The following DPP6 variants were observed in gnomAD, a reference collection of about 807,000 sequenced individuals.
The protein encoded by DPP6 is A-type potassium channel modulatory protein DPP6.
DPP6 carries 69 observed loss-of-function variants against 122.6 expected under a neutral mutation model. The observed-to-expected ratio is 0.56, with a 90% CI of 0.46 to 0.69. DPP6 has a LOEUF of 0.69. Among genes scored for constraint, DPP6 ranks in the 30% least tolerant of loss-of-function variants. The pLI, the probability that DPP6 is intolerant of heterozygous loss-of-function variation, is 0.00. For synonymous variants in DPP6, 418 were observed against 433.1 expected, an observed-to-expected ratio of 0.97 and a Z score of 0.43; for missense variants, 928 against 1,116.9, an observed-to-expected ratio of 0.83 and a Z score of 2.41.
intron 1 of DPP6, among the ~76,000 whole-genome samples, chr7:153,992,486 T>G (rs1360381808): frequency 1.3e-5 from 2 of 152,012 alleles, no homozygotes; most frequent in East Asian, 3.9e-4. Context: ...GTCCTATAAC[T>G]AATGCCCTTT....
chr7:154,668,219 A>ATATATATATAT (rs1554430259), intron 6 of DPP6, among the ~76,000 whole-genome samples: 50 of 54,326 alleles, frequency 9.2e-4, no homozygotes, highest in Non-Finnish European at 1.6e-3. Context: ...ATATATATAT[A>ATATATATATAT]ATATACACAT....
Position 154,617,025 on chromosome 7 carries a change from G to A in DPP6, c.628-20796G>A, listed in dbSNP as rs1464831866. Among the ~76,000 whole-genome samples the A allele has an allele frequency of 2.6e-5, 4 of 152,150 alleles. 1 individual carries two copies. The highest frequency in any genetic ancestry group is 9.7e-5 in the African/African-American group (4 of 41,440). The stretch of plus-strand genomic sequence containing the variant: ...AGCAGTCAGCCTTCATCACCCCAAC[G>A]CCAAGTATTTGTTCAGTTTCTGCTC... On this transcript the variant is annotated intron_variant, in intron 5 of 25. Transcript: ENST00000377770.
At chr7:154,256,840 G>T (rs941530390) in intron 1 of DPP6, among the ~76,000 whole-genome samples, 1 of 152,146 alleles carries the variant, frequency 6.6e-6, no homozygotes, top group Non-Finnish European at 1.5e-5. Context: ...TGAGATTCTG[G>T]TAAGATGTTA....
chr7:154,726,192 GC>G (rs1323421473), intron 7 of DPP6, among the ~76,000 whole-genome samples: 1 of 152,164 alleles, frequency 6.6e-6, no homozygotes, highest in Non-Finnish European at 1.5e-5. Context: ...GAAGACAGTG[GC>G]CCTCTTCTCA....
the DPP6 span, among the ~76,000 whole-genome samples, chr7:153,774,914 G>C: frequency 1.3e-5 from 2 of 152,128 alleles, no homozygotes; most frequent in Middle Eastern, 3.4e-3. Context: ...GCTGCAGTGA[G>C]CTATGATTGC....
chr7:154,409,426 T>C (rs1816405813), intron 1 of DPP6, among the ~76,000 whole-genome samples: 1 of 152,168 alleles, frequency 6.6e-6, no homozygotes, highest in African/African-American at 2.4e-5. Flanking sequence ...TGTGAGGAGG[T>C]AAATTACTGT....
intron 1 of DPP6, among the ~76,000 whole-genome samples, chr7:154,396,843 G>A (rs1318005369): frequency 1.3e-5 from 2 of 152,200 alleles, no homozygotes; most frequent in Non-Finnish European, 2.9e-5. Flanking sequence ...TACTCAGGAG[G>A]CCAAGGTAGG....
the DPP6 span, among the ~76,000 whole-genome samples, chr7:153,768,411 G>A: frequency 1.3e-5 from 2 of 151,998 alleles, no homozygotes; most frequent in South Asian, 2.1e-4. Flanking sequence ...CTAAGATCAC[G>A]AGGTTCCTTT....
At chr7:154,805,747 A>G (rs1798656634) in intron 15 of DPP6, among the ~76,000 whole-genome samples, 1 of 151,990 alleles carries the variant, frequency 6.6e-6, no homozygotes, top group Admixed American at 6.6e-5. Context: ...CACTGTTCTC[A>G]CTAAAGGAGG....
Position 154,133,605 on chromosome 7 carries a change from T to C in DPP6, c.243+80542T>C, listed in dbSNP as rs931218617. 2.0e-5 allele frequency among the ~76,000 whole-genome samples: 3 copies of C among 152,210 alleles called. No individual in the cohort carries two copies. The South Asian group carries it at 6.2e-4, about 31-fold the overall frequency. ...TTCGACTTCCTCACATTATAGTTTT[T>C]GTACAATTTGGAGTTAATCAAAGAG... On this transcript the variant is annotated intron_variant, in intron 1 of 25. Transcript: ENST00000377770.
chr7:154,183,191 A>AT (rs1389516718), intron 1 of DPP6, among the ~76,000 whole-genome samples: 3 of 151,942 alleles, frequency 2.0e-5, no homozygotes, highest in Non-Finnish European at 4.4e-5. Context: ...CATGAAGCTG[A>AT]TTTTTTCTCA....
intron 1 of DPP6, among the ~76,000 whole-genome samples, chr7:153,954,183 G>A (rs1265273247): frequency 3.3e-5 from 5 of 152,186 alleles, no homozygotes; most frequent in Non-Finnish European, 7.3e-5. Flanking sequence ...GCCCTTACAA[G>A]AAAATGTCCT....
At chr7:153,813,431 G>A in the DPP6 span, among the ~76,000 whole-genome samples, 1 of 152,062 alleles carries the variant, frequency 6.6e-6, no homozygotes, top group Non-Finnish European at 1.5e-5. Context: ...ATCATTGTTG[G>A]ACACTTGGGT....
chr7:153,782,646 GGAGTGAGGAAAGAAGGGTAAGAAAAA>G, the DPP6 span, among the ~76,000 whole-genome samples: 1 of 152,146 alleles, frequency 6.6e-6, no homozygotes, highest in African/African-American at 2.4e-5. Flanking sequence ...TGCTGGAGAA[GGAGTGAGGAAAGAAGGGTAAGAAAAA>G]AAGTGTTAAT....
At chr7:154,279,137 C>G (rs770325063) in intron 1 of DPP6, among the ~76,000 whole-genome samples, 3 of 148,894 alleles carry the variant, frequency 2.0e-5, no homozygotes, top group Non-Finnish European at 4.5e-5. Flanking sequence ...GTGTGTGTAT[C>G]TATGTGTGTG....
At chr7:154,349,924 C>A (rs988964740) in intron 1 of DPP6, among the ~76,000 whole-genome samples, 3 of 152,150 alleles carry the variant, frequency 2.0e-5, no homozygotes, top group Non-Finnish European at 4.4e-5. Flanking sequence ...CATGGGTAAT[C>A]CTTTGAGTCA....
chr7:154,838,527 A>G (rs1431002506), intron 16 of DPP6: 1 of 152,128 alleles, frequency 6.6e-6, no homozygotes, highest in African/African-American at 2.4e-5. Context: ...ATAGCACAGA[A>G]CGTGTACGTG....
intron 1 of DPP6, among the ~76,000 whole-genome samples, chr7:154,269,995 A>G (rs1418478440): frequency 1.3e-5 from 2 of 152,210 alleles, no homozygotes; most frequent in African/African-American, 2.4e-5. Context: ...CTGATAGTCA[A>G]TAGAAGGAAT....
chr7:154,695,237 G>A (rs1425319603), intron 7 of DPP6, among the ~76,000 whole-genome samples: 1 of 152,174 alleles, frequency 6.6e-6, no homozygotes, highest in Non-Finnish European at 1.5e-5. Flanking sequence ...CGGCCCCCGG[G>A]TACCTGGACC....
Sources: allele counts gnomAD v4.1 joint callset (sites outside exome capture counted in the v4.1 genomes callset), GRCh38; gene constraint gnomAD v4.1.1; transcripts MANE v1.5; gene names NCBI Gene and HGNC (gene_info 2026-07-23, HGNC 2026-07-21).